The following BTBD8 variants were observed in gnomAD, a reference collection of about 807,000 sequenced individuals.
BTBD8 encodes BTB/POZ domain-containing protein 8.
BTBD8 carries 110 observed loss-of-function variants against 162.9 expected under a neutral mutation model. The ratio of observed to expected loss-of-function variants is 0.68; its 90% CI spans 0.58 to 0.79. BTBD8 has a LOEUF of 0.79. BTBD8 is among the 30% of genes least tolerant of loss of function. BTBD8 has a pLI of 0.00. For missense variants in BTBD8, 1,905 were observed against 2,085.4 expected (o/e 0.91, Z 1.68); for synonymous variants, 667 against 716.1 (o/e 0.93, Z 1.10).
intron 9 of BTBD8, chr1:92,150,970 TA>T (rs1650030421): frequency 6.6e-6 from 1 of 152,208 alleles, no homozygotes; most frequent in African/African-American, 2.4e-5. Flanking sequence ...CCCTGAAGGA[TA>T]ACATCAGACT....
intron 17 of BTBD8, 129 bp downstream of exon 17, chr1:92,182,724 TA>T: frequency 1.9e-6 from 1 of 523,622 alleles, no homozygotes; most frequent in South Asian, 6.2e-5. Context: ...ATTAAAATTT[TA>T]AATGAAAAAT....
intron 13 of BTBD8, among the ~76,000 whole-genome samples, chr1:92,173,051 A>G (rs506377): frequency 0.74 from 112,109 of 151,944 alleles, 42,380 homozygotes; most frequent in East Asian, 0.97. Flanking sequence ...TCAGCCTCCC[A>G]AATAGCTGGG....
intron 9 of BTBD8, among the ~76,000 whole-genome samples, chr1:92,149,448 C>T (rs1266087859): frequency 6.6e-6 from 1 of 152,160 alleles, no homozygotes. Flanking sequence ...ATGACTGTTA[C>T]TTTCTCCATT....
At chr1:92,095,074 T>G (rs1443103596) in intron 2 of BTBD8, among the ~76,000 whole-genome samples, 1 of 152,200 alleles carries the variant, frequency 6.6e-6, no homozygotes, top group Non-Finnish European at 1.5e-5. Context: ...GTTCGCTAAT[T>G]CCTAGAGATA....
intron 7 of BTBD8, among the ~76,000 whole-genome samples, chr1:92,143,397 C>T (rs1321486757): frequency 2.6e-5 from 4 of 151,296 alleles, no homozygotes; most frequent in African/African-American, 9.8e-5. Context: ...ATTTTAAAAA[C>T]ACAAAAGACA....
chr1:92,091,961 T>C (rs1024187532), intron 2 of BTBD8, among the ~76,000 whole-genome samples: 37 of 152,152 alleles, frequency 2.4e-4, no homozygotes, highest in African/African-American at 8.0e-4. Context: ...CAGTTGCCCA[T>C]TGCTGTGGAC....
In BTBD8 at chr1:92,147,703, G is replaced by C; in HGVS notation, c.1039G>C (p.Ala347Pro). 1 of 1,609,344 alleles carries C rather than the reference G, an allele frequency of 6.2e-7. No homozygotes were observed. Among genetic ancestry groups the C allele is most frequent in the Non-Finnish European group, 8.5e-7 (1 of 1,178,864 alleles). Residue 347 changes from alanine (A) to proline (P), a missense_variant, in exon 9 of 18, where the codon GCA (alanine) becomes CCA (proline). Ala to Pro is a conservative substitution (Grantham distance 27). Transcript: ENST00000636805. ...TAACAGGTGGATTGTAAAGCATTTT[G>C]CAAGGTTTTGGTCTGAGAGAAGCTT... ...DCMKWIVKHFARFWSERSFAN... is the reference protein window; with the variant it reads ...DCMKWIVKHFPRFWSERSFAN...
chr1:92,092,203 C>T (rs1373373841), intron 2 of BTBD8, among the ~76,000 whole-genome samples: 3 of 151,948 alleles, frequency 2.0e-5, no homozygotes, highest in African/African-American at 7.3e-5. Context: ...GGGTTTGAGA[C>T]CAGCCTGGGC....
At chr1:92,161,275 A>C (rs1018551106) in intron 9 of BTBD8, among the ~76,000 whole-genome samples, 1 of 152,198 alleles carries the variant, frequency 6.6e-6, no homozygotes, top group African/African-American at 2.4e-5. Flanking sequence ...CAGTCTTCTT[A>C]AGCCTTCTTT....
Position 92,080,617 on chromosome 1 carries a change from G to C in BTBD8, c.46G>C (p.Gly16Arg). 4 of 1,614,040 alleles carry C rather than the reference G, an allele frequency of 2.5e-6. No individual in the cohort carries two copies. Among genetic ancestry groups the C allele is most frequent in the Non-Finnish European group, 2.5e-6 (3 of 1,179,950 alleles). ...EGSAAPMVLL[G>R]SAGVCSKGLQ... ...CAGTGCGGCCCCCATGGTACTTCTG[G>C]GGTCCGCTGGAGTTTGCAGTAAGGG... The change falls in exon 1 of 18, where the codon GGG becomes CGG. Residue 16 changes from glycine (G) to arginine (R), a missense_variant. By Grantham distance (125) the Gly-to-Arg change is moderately radical (BLOSUM62 -2). Around this residue, in one of 3 missense-constraint regions of BTBD8, gnomAD observed 1,374 missense variants for 1,442.7 expected, o/e 0.95. Transcript: ENST00000636805.
rs138733831 is a variant in BTBD8, at chr1:92,128,648, G to A, written c.663-1039G>A. 8.3e-3 allele frequency among the ~76,000 whole-genome samples: 1,257 copies of A among 151,328 alleles called. 22 individuals carry two copies. The highest frequency in any genetic ancestry group is 0.028 in the African/African-American group (1,168 of 41,172). On this transcript the variant is annotated intron_variant, in intron 4 of 17. Transcript: ENST00000636805. ...TTGGCCAGGCTGGTCTTGAACTCCC[G>A]ACCTCAGGTGATCCACCCGCCTCGG...
chr1:92,144,807 A>C (rs1025388786), intron 7 of BTBD8, among the ~76,000 whole-genome samples: 4 of 108,794 alleles, frequency 3.7e-5, no homozygotes, highest in African/African-American at 1.2e-4. Context: ...CCAAAAAAAA[A>C]ACTACACACA....
intron 9 of BTBD8, among the ~76,000 whole-genome samples, chr1:92,163,017 T>C (rs1333443822): frequency 6.6e-6 from 1 of 152,066 alleles, no homozygotes; most frequent in Admixed American, 6.6e-5. Flanking sequence ...TATATATATA[T>C]ACACTGGTAA....
chr1:92,175,086 G>A (rs779932078), intron 13 of BTBD8, among the ~76,000 whole-genome samples: 3 of 151,912 alleles, frequency 2.0e-5, no homozygotes, highest in Admixed American at 6.6e-5. Context: ...ACATGGTGCC[G>A]AGGGATACAA....
intron 12 of BTBD8, 32 bp from the exon 13 acceptor site, chr1:92,171,367 T>G (rs1410678317): frequency 6.6e-7 from 1 of 1,506,632 alleles, no homozygotes; most frequent in South Asian, 1.3e-5. Flanking sequence ...ATAATGTTCC[T>G]TATAAAAACA....
intron 13 of BTBD8, among the ~76,000 whole-genome samples, chr1:92,173,410 T>C (rs1487065192): frequency 6.6e-6 from 1 of 152,194 alleles, no homozygotes; most frequent in Non-Finnish European, 1.5e-5. Context: ...CTCTAGGAAA[T>C]GGTGCACTAG....
At chr1:92,151,784 G>A (rs1332734921) in intron 9 of BTBD8, among the ~76,000 whole-genome samples, 1 of 152,038 alleles carries the variant, frequency 6.6e-6, no homozygotes, top group Non-Finnish European at 1.5e-5. Flanking sequence ...CCACTTATAA[G>A]TGAATGGAAT....
chr1:92,120,741 A>G (rs1243571932), intron 4 of BTBD8, among the ~76,000 whole-genome samples: 1 of 152,140 alleles, frequency 6.6e-6, no homozygotes, highest in Non-Finnish European at 1.5e-5. Context: ...CTCTTGACCC[A>G]AACATTGTTA....
At chr1:92,169,874 T>A (rs1482612158) in intron 12 of BTBD8, among the ~76,000 whole-genome samples, 1 of 152,214 alleles carries the variant, frequency 6.6e-6, no homozygotes, top group Admixed American at 6.5e-5. Context: ...AGATGTGATA[T>A]GAAGAGCACT....
Sources: allele counts gnomAD v4.1 joint callset (sites outside exome capture counted in the v4.1 genomes callset), GRCh38; gene constraint gnomAD v4.1.1; regional missense constraint gnomAD v4.1.1; transcripts MANE v1.5; gene names NCBI Gene and HGNC (gene_info 2026-07-23, HGNC 2026-07-21).